MAGEA11: variants seen among roughly 807,000 people sequenced by gnomAD.
MAGEA11 encodes the protein melanoma-associated antigen 11.
In MAGEA11, 1 loss-of-function variant was observed where a neutral mutation model predicts 8.4. That is an observed-to-expected ratio of 0.12 (90% CI 0.04 to 0.57). The LOEUF is 0.57. MAGEA11 is among the 20% of genes least tolerant of loss of function. MAGEA11 has a pLI of 0.91. For synonymous variants in MAGEA11, 127 were observed against 119.3 expected, an observed-to-expected ratio of 1.06 and a Z score of -0.42; for missense variants, 209 against 317.3, an observed-to-expected ratio of 0.66 and a Z score of 2.59.
chrX:149,710,182 C>T (rs147807316), upstream of MAGEA11, among the ~76,000 whole-genome samples: 940 of 111,271 alleles, frequency 8.4e-3, 6 homozygotes, highest in African/African-American at 0.029. Flanking sequence ...TAGAAAATAC[C>T]CCATTCACAA....
intron 2 of MAGEA11, chrX:149,713,723 T>TA: frequency 8.5e-6 from 1 of 117,785 alleles, no homozygotes; most frequent in Non-Finnish European, 1.8e-5. Flanking sequence ...CTCCCATATC[T>TA]CAGAGAGGTG....
At chrX:149,714,210 C>T (rs1280357723) in intron 2 of MAGEA11, 5 of 336,139 alleles carry the variant, frequency 1.5e-5, no homozygotes, top group East Asian at 1.0e-4. Flanking sequence ...TCACGGGTGG[C>T]CCCAAGTGGC....
At chrX:149,691,609 G>A (rs1158843397) in intron 1 of MAGEA11, among the ~76,000 whole-genome samples, 2 of 111,659 alleles carry the variant, frequency 1.8e-5, no homozygotes, top group African/African-American at 6.5e-5. Flanking sequence ...ACGCTCTTAA[G>A]GTTTTTAGCT....
At position 149,716,199 on chromosome X, in the gene MAGEA11, G is replaced by A. The variant is rs6641350; in HGVS notation, c.713G>A (p.Arg238Gln). ...DLVHLLLRKY[R>Q]VKGLITKAEM... ...GTTCATTTATTGCTCCGCAAGTATCGAGTCAAGGGGCTGATCACAAAGGCA... is the reference window on the plus strand; with the variant it reads ...GTTCATTTATTGCTCCGCAAGTATCAAGTCAAGGGGCTGATCACAAAGGCA... The change falls in exon 5 of 5, where the codon CGA becomes CAA. Residue 238 changes from arginine (R) to glutamine (Q), a missense_variant. Transcript: ENST00000355220. 8.3e-7 allele frequency: 1 copy of A among 1,209,863 alleles called. No homozygotes were observed. The highest frequency in any genetic ancestry group is 1.1e-6 in the Non-Finnish European group (1 of 894,816).
chrX:149,705,745 G>T (rs2090374513), intron 1 of MAGEA11, among the ~76,000 whole-genome samples: 1 of 111,697 alleles, frequency 9.0e-6, no homozygotes, highest in Admixed American at 9.4e-5. Flanking sequence ...ATGGGCACAG[G>T]AAGGCCCCCA....
chrX:149,700,052 C>T (rs782650420), intron 1 of MAGEA11, among the ~76,000 whole-genome samples: 2 of 112,207 alleles, frequency 1.8e-5, no homozygotes, highest in Non-Finnish European at 3.8e-5. Flanking sequence ...GGGGACCCTC[C>T]CCCATGATCT....
At chrX:149,697,637 C>T (rs1336407473) in intron 1 of MAGEA11, among the ~76,000 whole-genome samples, 5 of 110,352 alleles carry the variant, frequency 4.5e-5, no homozygotes, top group African/African-American at 1.7e-4. Context: ...GAATTCAGGA[C>T]TCCTGGCTGG....
At chrX:149,710,653 CT>C (rs1280711952), upstream of MAGEA11, among the ~76,000 whole-genome samples, 12 of 104,901 alleles carry the variant, frequency 1.1e-4, 1 homozygote, top group Admixed American at 2.1e-4. Context: ...TTCTTTCTTT[CT>C]TTTTTTTTTG....
At chrX:149,701,850 C>T (rs1048717203) in intron 1 of MAGEA11, among the ~76,000 whole-genome samples, 2 of 111,548 alleles carry the variant, frequency 1.8e-5, no homozygotes, top group South Asian at 7.6e-4. Context: ...TTGTTTTTCT[C>T]AGGTTTGTCC....
chrX:149,715,888 C>T lies in MAGEA11; in HGVS notation c.402C>T (p.Gly134=). The T allele has an allele frequency of 8.3e-7, 1 of 1,211,584 alleles. No homozygotes were observed. Among genetic ancestry groups the T allele is most frequent in the Non-Finnish European group, 1.1e-6 (1 of 895,503 alleles). Residue 134 remains glycine (G), a synonymous_variant, in exon 5 of 5, where the codon GGC becomes GGT. Coordinates refer to ENST00000355220, the MANE Select transcript of MAGEA11 (RefSeq NM_005366.5). ...EGLQAQEEDL[G]LVGAQALQAE... ...TTCAGGCCCAAGAAGAAGACCTGGG[C>T]CTGGTGGGTGCACAGGCTCTCCAAG...
At chrX:149,714,084 T>C (rs2090415188) in intron 2 of MAGEA11, 1 of 126,602 alleles carries the variant, frequency 7.9e-6, no homozygotes, top group African/African-American at 3.2e-5. Flanking sequence ...TCCCAGGATC[T>C]TTAGGACTCA....
intron 1 of MAGEA11, among the ~76,000 whole-genome samples, chrX:149,701,724 A>G (rs1420022209): frequency 1.8e-5 from 2 of 110,653 alleles, no homozygotes; most frequent in Non-Finnish European, 3.8e-5. Flanking sequence ...TCTTTAATCC[A>G]TCTTGAATTA....
At chrX:149,694,682 C>T (rs782015587) in intron 1 of MAGEA11, among the ~76,000 whole-genome samples, 1 of 111,450 alleles carries the variant, frequency 9.0e-6, no homozygotes, top group South Asian at 3.8e-4. Context: ...TCTTTCTTTT[C>T]TCTTTATTTC....
At chrX:149,689,082 TC>T in intron 1 of MAGEA11, 1 of 780,561 alleles carries the variant, frequency 1.3e-6, no homozygotes, top group Non-Finnish European at 1.8e-6. Context: ...TGAAAAATGA[TC>T]CAGATGATGT....
intron 1 of MAGEA11, among the ~76,000 whole-genome samples, chrX:149,705,628 G>A (rs1372619486): frequency 8.9e-6 from 1 of 112,386 alleles, no homozygotes; most frequent in Admixed American, 9.4e-5. Flanking sequence ...ATAGCTGGTG[G>A]AACAGAGAGG....
intron 2 of MAGEA11, 187 bp from the exon 3 acceptor site, chrX:149,714,294 C>T (rs2090416277): frequency 5.1e-6 from 3 of 585,926 alleles, no homozygotes; most frequent in South Asian, 3.6e-5. Flanking sequence ...AGGGATATGT[C>T]TGCTCATCTC....
intron 1 of MAGEA11, among the ~76,000 whole-genome samples, chrX:149,702,416 A>G (rs1569561362): frequency 9.0e-6 from 1 of 111,588 alleles, no homozygotes; most frequent in East Asian, 2.8e-4. Flanking sequence ...ATTATAAAAT[A>G]TCTTTCTTTT....
chrX:149,692,406 C>CAAA (rs375482933), intron 1 of MAGEA11, among the ~76,000 whole-genome samples: 1 of 94,919 alleles, frequency 1.1e-5, no homozygotes. Context: ...GACCCTGTCT[C>CAAA]AAAAAAAAAA....
chrX:149,704,249 G>C (rs1446022067), intron 1 of MAGEA11, among the ~76,000 whole-genome samples: 2 of 112,180 alleles, frequency 1.8e-5, no homozygotes, highest in Non-Finnish European at 3.8e-5. Context: ...AGGGTGTGAA[G>C]ATGGACAAGT....
Sources: allele counts gnomAD v4.1 joint callset (sites outside exome capture counted in the v4.1 genomes callset), GRCh38; gene constraint gnomAD v4.1.1; transcripts MANE v1.5; gene names NCBI Gene and HGNC (gene_info 2026-07-23, HGNC 2026-07-21).